TANC1: variants seen among roughly 807,000 people sequenced by gnomAD.
The protein encoded by TANC1 is protein TANC1.
TANC1 carries 77 observed loss-of-function variants against 149.7 expected under a neutral mutation model. That is an observed-to-expected ratio of 0.51 (90% CI 0.43 to 0.62). The LOEUF (loss-of-function observed/expected upper bound fraction) is 0.62. Among genes scored for constraint, TANC1 ranks in the 20% least tolerant of loss-of-function variants. TANC1 has a pLI of 0.00. For missense variants in TANC1, 1,985 were observed against 2,321.8 expected, an observed-to-expected ratio of 0.85 and a Z score of 2.98; for synonymous variants, 854 against 925.0, an observed-to-expected ratio of 0.92 and a Z score of 1.39.
At position 159,206,956 on chromosome 2, in the gene TANC1, G is replaced by A. The variant is rs542534799; in HGVS notation, c.3244+7903G>A. Among the ~76,000 whole-genome samples the A allele has an allele frequency of 7.9e-5, 12 of 152,128 alleles. No homozygotes were observed. The South Asian group carries it at 1.2e-3, about 16-fold the overall frequency. ...AGAAGTGACAGCTGTCCAAAGGTCC[G>A]GTCTTCTCATGGATTCTTAGAAGAA... On this transcript the variant is annotated intron_variant, in intron 19 of 26. Transcript: ENST00000263635.
chr2:159,088,425 C>T (rs1381273061), intron 3 of TANC1, among the ~76,000 whole-genome samples: 1 of 152,144 alleles, frequency 6.6e-6, no homozygotes, highest in African/African-American at 2.4e-5. Flanking sequence ...CGAGCTTATT[C>T]TCTTTATCAT....
chr2:158,979,614 G>T (rs2034073696), intron 1 of TANC1, among the ~76,000 whole-genome samples: 1 of 152,102 alleles, frequency 6.6e-6, no homozygotes, highest in African/African-American at 2.4e-5. Context: ...AAAGAGCTTT[G>T]ATTTCAAGGT....
chr2:159,175,214 T>A, intron 12 of TANC1, 30 bp downstream of exon 12: 1 of 1,572,924 alleles, frequency 6.4e-7, no homozygotes, highest in Non-Finnish European at 8.7e-7. Context: ...CACAGCCCCA[T>A]CTCAGTAGTG....
intron 19 of TANC1, among the ~76,000 whole-genome samples, chr2:159,212,488 T>C (rs2059055141): frequency 6.6e-6 from 1 of 152,176 alleles, no homozygotes; most frequent in Non-Finnish European, 1.5e-5. Context: ...CCTTCACAGT[T>C]CTTGGGACAG....
intron 16 of TANC1, among the ~76,000 whole-genome samples, chr2:159,188,449 C>G (rs898333237): frequency 2.6e-5 from 4 of 152,264 alleles, no homozygotes; most frequent in African/African-American, 4.8e-5. Flanking sequence ...CTGGGCCCCG[C>G]TGGCCCACTG....
At chr2:159,173,778 A>C (rs1255000318) in intron 11 of TANC1, among the ~76,000 whole-genome samples, 1 of 152,170 alleles carries the variant, frequency 6.6e-6, no homozygotes, top group Non-Finnish European at 1.5e-5. Context: ...AGAGTTGGAG[A>C]GCAGCCAGCT....
chr2:159,166,874 C>T (rs2054656496), intron 8 of TANC1, among the ~76,000 whole-genome samples: 1 of 152,142 alleles, frequency 6.6e-6, no homozygotes, highest in African/African-American at 2.4e-5. Flanking sequence ...TCGGCTTAAT[C>T]GTATTTGAAA....
chr2:159,232,647 A>C lies in TANC1; in HGVS notation c.*1635A>C, dbSNP rs1454921548. 1 of 152,638 alleles carries C rather than the reference A, an allele frequency of 6.6e-6. No individual in the cohort carries two copies. The highest frequency in any genetic ancestry group is 1.5e-5 in the Non-Finnish European group (1 of 68,026). 9.5% of individuals were successfully genotyped at this position (152,638 alleles called of 1,614,324 possible). On this transcript the variant is annotated 3_prime_UTR_variant, in exon 27 of 27. Transcript: ENST00000263635. ...CTGTACTTTTCCATATGGAATAAAG[A>C]CTATTAATAGAATGTGTTTTGCACT...
chr2:159,175,780 T>C (rs770408575), intron 12 of TANC1, among the ~76,000 whole-genome samples: 1 of 152,246 alleles, frequency 6.6e-6, no homozygotes, highest in South Asian at 2.1e-4. Flanking sequence ...AAAACAGATA[T>C]GTCATCATTT....
intron 2 of TANC1, among the ~76,000 whole-genome samples, chr2:159,054,715 C>A (rs1214987516): frequency 1.3e-5 from 2 of 152,118 alleles, no homozygotes; most frequent in African/African-American, 4.8e-5. Flanking sequence ...GATTGAGTGC[C>A]TTTTAACACT....
intron 2 of TANC1, among the ~76,000 whole-genome samples, chr2:159,012,582 A>G (rs1312020727): frequency 2.6e-5 from 4 of 152,144 alleles, no homozygotes; most frequent in Non-Finnish European, 5.9e-5. Context: ...TTTTCCTAAT[A>G]GGAATGGAAG....
intron 7 of TANC1, among the ~76,000 whole-genome samples, chr2:159,151,096 C>T (rs899183965): frequency 2.0e-5 from 3 of 152,182 alleles, no homozygotes; most frequent in African/African-American, 7.2e-5. Flanking sequence ...GCCTAGGAGT[C>T]AGGAGACTTG....
At chr2:159,044,056 T>G (rs1022598437) in intron 2 of TANC1, among the ~76,000 whole-genome samples, 4 of 152,202 alleles carry the variant, frequency 2.6e-5, no homozygotes, top group African/African-American at 9.7e-5. Context: ...ATTTTCTAGT[T>G]GTGTGGCTTT....
At chr2:159,092,585 A>G (rs1230476131) in intron 3 of TANC1, among the ~76,000 whole-genome samples, 1 of 152,234 alleles carries the variant, frequency 6.6e-6, no homozygotes. Flanking sequence ...TTTGCAAACT[A>G]TGACTTTGAC....
At chr2:159,177,152 C>T (rs1254806374) in intron 13 of TANC1, among the ~76,000 whole-genome samples, 2 of 152,032 alleles carry the variant, frequency 1.3e-5, no homozygotes, top group Non-Finnish European at 2.9e-5. Flanking sequence ...TCAGGTGATC[C>T]ACCCACCTTG....
At chr2:158,971,650 C>G (rs1559084769) in intron 1 of TANC1, among the ~76,000 whole-genome samples, 1 of 152,142 alleles carries the variant, frequency 6.6e-6, no homozygotes, top group Non-Finnish European at 1.5e-5. Flanking sequence ...TCTTGGTTTT[C>G]TCATTTTTTT....
At chr2:159,128,473 G>C (rs765835779) in intron 4 of TANC1, among the ~76,000 whole-genome samples, 6 of 152,200 alleles carry the variant, frequency 3.9e-5, no homozygotes, top group Non-Finnish European at 7.3e-5. Flanking sequence ...TGGATGCCAG[G>C]CTGTGTTTGA....
chr2:159,132,290 G>C (rs1318531042), intron 4 of TANC1, among the ~76,000 whole-genome samples: 1 of 152,070 alleles, frequency 6.6e-6, no homozygotes, highest in Non-Finnish European at 1.5e-5. Context: ...TACTTACTTT[G>C]TTATATTCTA....
At position 159,230,192 on chromosome 2, in the gene TANC1, C is replaced by T; in HGVS notation, c.4766C>T (p.Thr1589Ile). ...TQHLEGTGTF[T>I]TRAGCGHFGD... ...CATTTAGAGGGAACAGGTACTTTCA[C>T]TACAAGAGCTGGTTGTGGCCACTTT... Residue 1589 changes from threonine (T) to isoleucine (I), a missense_variant, in exon 27 of 27, where the codon ACT (threonine) becomes ATT (isoleucine). Thr to Ile is a moderately conservative substitution (Grantham distance 89). Coordinates refer to ENST00000263635, the MANE Select transcript of TANC1 (RefSeq NM_033394.3). This position sits in a 1 kb window ranked among gnomAD's most constrained non-coding sequence, Gnocchi z 4.4. 6.2e-7 allele frequency: 1 copy of T among 1,614,060 alleles called. No individual in the cohort carries two copies. Among genetic ancestry groups the T allele is most frequent in the Non-Finnish European group, 8.5e-7 (1 of 1,180,038 alleles).
Sources: gnomAD v4.1 joint callset for allele counts (sites outside exome capture counted in the v4.1 genomes callset) on GRCh38, gnomAD v4.1.1 for gene constraint, Gnocchi (gnomAD v3.1) non-coding constraint, MANE v1.5 for transcripts, NCBI Gene and HGNC (gene_info 2026-07-23, HGNC 2026-07-21) for gene names.